The following EVPL variants were observed in gnomAD, a reference collection of about 807,000 sequenced individuals.
The protein encoded by EVPL is envoplakin, also known as 210 kDa cornified envelope precursor protein.
In EVPL, 94 loss-of-function variants were observed where a neutral mutation model predicts 129.7. The observed-to-expected ratio is 0.72, with a 90% CI of 0.61 to 0.86. The LOEUF (loss-of-function observed/expected upper bound fraction) is 0.86. Ranked by LOEUF, EVPL falls within the 40% of genes least tolerant of loss-of-function variation. The pLI, the probability that EVPL is intolerant of heterozygous loss-of-function variation, is 0.00. For synonymous variants in EVPL, 1,172 were observed against 1,191.1 expected (o/e 0.98, Z 0.33); for missense variants, 2,625 against 2,721.1 (o/e 0.96, Z 0.79).
intron 13 of EVPL, 89 bp from the exon 14 acceptor site, chr17:76,018,000 C>A: frequency 1.3e-6 from 2 of 1,576,800 alleles, no homozygotes; most frequent in South Asian, 1.2e-5. Flanking sequence ...AGGGTCCTGT[C>A]GGGGTAGGGT....
At chr17:76,021,610 C>G in intron 8 of EVPL, 47 bp from the exon 9 acceptor site, 2 of 1,357,516 alleles carry the variant, frequency 1.5e-6, no homozygotes, top group Non-Finnish European at 1.9e-6. Flanking sequence ...CCCCCACGTC[C>G]GCCCCACCTC....
chr17:76,016,810 G>A (rs1347660235), intron 14 of EVPL, among the ~76,000 whole-genome samples: 2 of 152,126 alleles, frequency 1.3e-5, no homozygotes, highest in Admixed American at 1.3e-4. Context: ...GGAGGCTGAG[G>A]TGGGAGGATC....
chr17:76,008,044 A>T lies in EVPL; in HGVS notation c.5161T>A (p.Cys1721Ser). 1 of 1,613,926 alleles carries T rather than the reference A, an allele frequency of 6.2e-7. No homozygotes were observed. Among genetic ancestry groups the T allele is most frequent in the Non-Finnish European group, 8.5e-7 (1 of 1,179,946 alleles). The change falls in exon 22 of 22, where the codon TGT becomes AGT. Residue 1721 changes from cysteine to serine, a missense_variant. Around this residue, in one of 4 missense-constraint regions of EVPL, gnomAD observed 1,453 missense variants for 1,511.8 expected, o/e 0.96. Coordinates refer to ENST00000301607, the MANE Select transcript of EVPL (RefSeq NM_001988.4). This position sits in a 1 kb window ranked among gnomAD's most constrained non-coding sequence, Gnocchi z 7.4. Reference protein sequence around the residue: ...GQYLQLQELECDWEEVTTSGP... With the variant: ...GQYLQLQELESDWEEVTTSGP... ...GAGGTGGTGACCTCCTCCCAGTCAC[A>T]CTCGAGCTCCTGCAGCTGCAAGTAC... is the stretch of plus-strand genomic sequence containing the variant.
Position 76,009,369 on chromosome 17 carries a change from T to C in EVPL, c.3836A>G (p.Glu1279Gly), listed in dbSNP as rs1204449594. 6.2e-7 allele frequency: 1 copy of C among 1,613,764 alleles called. No homozygotes were observed. The highest frequency in any genetic ancestry group is 2.2e-5 in the East Asian group (1 of 44,878). ...GGAGCGCCCGTGGCTGTTGACGAGC[T>C]CGTTGAGCTGAGCCTTCAGGCGGTC... ...EIDRLKAQLN[E>G]LVNSHGRSQE... is the part of the protein sequence containing the mutation. The change falls in exon 22 of 22, where the codon GAG becomes GGG. Residue 1279 changes from glutamate (E) to glycine (G), a missense_variant. By Grantham distance (98) the Glu-to-Gly change is moderately conservative. Transcript: ENST00000301607. This position sits in a 1 kb window ranked among gnomAD's most constrained non-coding sequence, Gnocchi z 5.9.
chr17:76,026,141 A>G (rs1221007080), intron 1 of EVPL, among the ~76,000 whole-genome samples: 1 of 151,648 alleles, frequency 6.6e-6, no homozygotes, highest in Non-Finnish European at 1.5e-5. Flanking sequence ...ACGGGATTTC[A>G]TCATGTTGCC....
chr17:76,010,257 CCCTCCTCCTCCACCTGGG>C lies in EVPL; in HGVS notation c.2930_2947del (p.Ala977_Glu982del). The C allele has an allele frequency of 6.2e-7, 1 of 1,613,984 alleles. No individual in the cohort carries two copies. Among genetic ancestry groups the C allele is most frequent in the Non-Finnish European group, 8.5e-7 (1 of 1,180,020 alleles). On this transcript the variant is annotated inframe_deletion, in exon 22 of 22. Coordinates refer to ENST00000301607, the MANE Select transcript of EVPL (RefSeq NM_001988.4). ...TGCCTGCAGGCCAGCCCGCCGCTTG[CCCTCCTCCTCCACCTGGG>C]CCTTCACCCTGGACAGGCTGCCCTC... is the stretch of plus-strand genomic sequence containing the variant.
In EVPL at chr17:76,013,916, C is replaced by T. The variant is rs527546123; in HGVS notation, c.2373+510G>A. On this transcript the variant is annotated intron_variant, in intron 18 of 21. Coordinates refer to ENST00000301607, the MANE Select transcript of EVPL (RefSeq NM_001988.4). The surrounding 1 kb of genome is among the most constrained non-coding windows in gnomAD (Gnocchi z 4.3). ...TGTGTGGTCTGCCCATCTGGTCGCC[C>T]TCGCCCCTGAGTCCCCCTCCTTTCC... Among the ~76,000 whole-genome samples, 3 of 152,254 alleles carry T rather than the reference C, an allele frequency of 2.0e-5. No individual in the cohort carries two copies. The highest frequency in any genetic ancestry group is 7.2e-5 in the African/African-American group (3 of 41,542).
chr17:76,006,847 A>C lies in EVPL; in HGVS notation c.*256T>G. The C allele has an allele frequency of 2.7e-6, 1 of 369,686 alleles. No individual in the cohort carries two copies. The allele number at this position is 369,686 out of a possible 1,614,324, so 22.9% of individuals were successfully genotyped here. The stretch of plus-strand genomic sequence containing the variant: ...GTGAATGAATGGGACACCACATGGC[A>C]CGGGGAGACAGAATTCGTTTATTGG... On this transcript the variant is annotated 3_prime_UTR_variant, in exon 22 of 22. Transcript: ENST00000301607.
chr17:76,009,997 C>A lies in EVPL; in HGVS notation c.3208G>T (p.Val1070Leu). 6.2e-7 allele frequency: 1 copy of A among 1,613,616 alleles called. No individual in the cohort carries two copies. The highest frequency in any genetic ancestry group is 1.1e-5 in the South Asian group (1 of 91,076). ...LLALEKREVD[V>L]KEKVVVKEVV... ...TCTTTCACCACGACCTTCTCCTTCA[C>A]GTCCACCTCCCTCTTCTCAAGGGCC... Residue 1070 changes from valine to leucine, a missense_variant, in exon 22 of 22, where the codon GTG becomes TTG. Around this residue, in one of 4 missense-constraint regions of EVPL, gnomAD observed 1,453 missense variants for 1,511.8 expected, o/e 0.96. Coordinates refer to ENST00000301607, the MANE Select transcript of EVPL (RefSeq NM_001988.4). The surrounding 1 kb of genome is among the most constrained non-coding windows in gnomAD (Gnocchi z 5.9).
chr17:76,023,954 G>A, intron 2 of EVPL, 67 bp downstream of exon 2: 2 of 1,546,512 alleles, frequency 1.3e-6, no homozygotes, highest in Non-Finnish European at 1.8e-6. Flanking sequence ...GGAGTGCCAG[G>A]CCTGATGATG....
rs759626837 is a variant in EVPL at position 76,022,169 on chromosome 17, C to G, written c.645+20G>C. ...CAGGCCCACCCGCAGCCTCCCTGCCCGACCCTCCCTCCTGCTCACCAGTAG... is the reference window on the plus strand; with the variant it reads ...CAGGCCCACCCGCAGCCTCCCTGCCGGACCCTCCCTCCTGCTCACCAGTAG... On this transcript the variant is annotated intron_variant, in intron 6 of 21. Transcript: ENST00000301607. The surrounding 1 kb of genome is among the most constrained non-coding windows in gnomAD (Gnocchi z 5.6). 10 of 1,611,770 alleles carry G rather than the reference C, an allele frequency of 6.2e-6. No homozygotes were observed. In the Middle Eastern group the frequency reaches 7.1e-4, roughly 114 times the overall value.
chr17:76,022,396 C>T lies in EVPL; in HGVS notation c.606+17G>A, dbSNP rs1230734024. 5 of 1,613,300 alleles carry T rather than the reference C, an allele frequency of 3.1e-6. No homozygotes were observed. The South Asian group carries it at 3.3e-5, about 11-fold the overall frequency. ...CTGGGGCTGGCCCCGGATGTGACAT[C>T]CTCCAGGCTCACCTACCGGCCCCAC... On this transcript the variant is annotated intron_variant, in intron 5 of 21. Coordinates refer to ENST00000301607, the MANE Select transcript of EVPL (RefSeq NM_001988.4). This position sits in a 1 kb window ranked among gnomAD's most constrained non-coding sequence, Gnocchi z 5.6.
chr17:76,018,371 G>A, intron 12 of EVPL, 75 bp downstream of exon 12: 1 of 1,534,162 alleles, frequency 6.5e-7, no homozygotes, highest in Non-Finnish European at 8.8e-7. Flanking sequence ...GGTCTGTTGG[G>A]CCATGGGCTT....
chr17:76,022,257 G>A lies in EVPL; in HGVS notation c.607-30C>T, dbSNP rs759604509. On this transcript the variant is annotated intron_variant, in intron 5 of 21. Transcript: ENST00000301607. The surrounding 1 kb of genome is among the most constrained non-coding windows in gnomAD (Gnocchi z 5.6). ...CTCGACCAAGGGGAGAAACAAGCCC[G>A]TGAGAGGTGGGGTGCAGGGAGACGG... 24 of 1,612,326 alleles carry A rather than the reference G, an allele frequency of 1.5e-5. No homozygotes were observed. The Admixed American group carries it at 2.8e-4, about 19-fold the overall frequency.
chr17:76,007,790 G>C lies in EVPL; in HGVS notation c.5415C>G (p.Ala1805=). 1 of 1,611,726 alleles carries C rather than the reference G, an allele frequency of 6.2e-7. No homozygotes were observed. Among genetic ancestry groups the C allele is most frequent in the Non-Finnish European group, 8.5e-7 (1 of 1,178,234 alleles). The change falls in exon 22 of 22, where the codon GCC becomes GCG. Residue 1805 remains alanine, a synonymous_variant. Transcript: ENST00000301607. This position sits in a 1 kb window ranked among gnomAD's most constrained non-coding sequence, Gnocchi z 8.8. ...GAGAGAAGAAACTGGTGCTCTGGGG[G>C]GCCGGGGAGGCGAGCGGGGACTTGG... ...IISKSPLASP[A]PQSTSFFSPS...
At chr17:76,021,443 C>G (rs577220174) in intron 9 of EVPL, 25 bp downstream of exon 9, 1 of 1,592,692 alleles carries the variant, frequency 6.3e-7, no homozygotes. Flanking sequence ...CCCCTGCCGC[C>G]CCTGCCGCCT....
At position 76,010,049 on chromosome 17, in the gene EVPL, C is replaced by A. The variant is rs1270995238; in HGVS notation, c.3156G>T (p.Arg1052=). The A allele has an allele frequency of 1.2e-6, 2 of 1,612,956 alleles. No homozygotes were observed. The highest frequency in any genetic ancestry group is 1.7e-6 in the Non-Finnish European group (2 of 1,180,032). Residue 1052 remains arginine (R), a synonymous_variant, in exon 22 of 22, where the codon CGG becomes CGT. Coordinates refer to ENST00000301607, the MANE Select transcript of EVPL (RefSeq NM_001988.4). ...GTAGCTCCTTCTTCAGCCCTTCCAG[C>A]CGGGCCGAGATGACGGCATCCTCCC... is the stretch of plus-strand genomic sequence containing the variant. ...LRGEDAVISA[R]LEGLKKELLA...
At chr17:76,011,729 G>T (rs2066378007) in intron 20 of EVPL, 43 bp downstream of exon 20, 1 of 1,609,944 alleles carries the variant, frequency 6.2e-7, no homozygotes, top group African/African-American at 1.3e-5. Context: ...ACCCTACAGA[G>T]CTGGTGTCAA....
Position 76,009,595 on chromosome 17 carries a change from G to T in EVPL, c.3610C>A (p.Pro1204Thr). 6.2e-7 allele frequency: 1 copy of T among 1,613,998 alleles called. No individual in the cohort carries two copies. Among genetic ancestry groups the T allele is most frequent in the African/African-American group, 1.3e-5 (1 of 75,026 alleles). ...ERVHEIFQVD[P>T]ETEQEITRLK... ...CGAGTGATCTCCTGCTCTGTCTCCG[G>T]ATCCACCTGGAAGATCTCGTGGACG... is the stretch of plus-strand genomic sequence containing the variant. Residue 1204 changes from proline (P) to threonine (T), a missense_variant, in exon 22 of 22, where the codon CCG becomes ACG. Pro to Thr is a conservative substitution (Grantham distance 38). Around this residue, in one of 4 missense-constraint regions of EVPL, gnomAD observed 1,453 missense variants for 1,511.8 expected, o/e 0.96. Transcript: ENST00000301607. This position sits in a 1 kb window ranked among gnomAD's most constrained non-coding sequence, Gnocchi z 5.9.
Sources: gnomAD v4.1 joint callset for allele counts (sites outside exome capture counted in the v4.1 genomes callset) on GRCh38, gnomAD v4.1.1 for gene constraint, gnomAD v4.1.1 regional missense constraint, Gnocchi (gnomAD v3.1) non-coding constraint, MANE v1.5 for transcripts, NCBI Gene and HGNC (gene_info 2026-07-23, HGNC 2026-07-21) for gene names.